FGD4: variants seen among roughly 807,000 people sequenced by gnomAD.
FGD4 encodes FYVE, RhoGEF and PH domain containing 4, also known as FYVE, RhoGEF and PH domain-containing protein 4.
A neutral mutation model predicts 102.0 loss-of-function variants in FGD4; 42 were observed. That is an observed-to-expected ratio of 0.41 (90% CI 0.32 to 0.53). The LOEUF is 0.53. FGD4 is among the 20% of genes least tolerant of loss of function. FGD4 has a pLI of 0.21. For synonymous variants in FGD4, 380 were observed against 375.7 expected (o/e 1.01, Z -0.13); for missense variants, 902 against 1,078.2 (o/e 0.84, Z 2.29).
chr12:32,584,268 T>A (rs1946833126), intron 4 of FGD4, among the ~76,000 whole-genome samples: 1 of 152,234 alleles, frequency 6.6e-6, no homozygotes, highest in East Asian at 1.9e-4. Flanking sequence ...TTCATAAGTG[T>A]GCTGCGGCAG....
In FGD4 at chr12:32,624,832, G is replaced by A. The variant is rs12322190; in HGVS notation, c.1954-144G>A. 94,025 of 726,698 alleles carry A rather than the reference G, an allele frequency of 0.13. 7,063 individuals carry two copies. The highest frequency in any genetic ancestry group is 0.22 in the African/African-American group (12,500 of 57,112). The allele number at this position is 726,698 out of a possible 1,614,324, so 45.0% of individuals were successfully genotyped here. ...TGTATACAAATGTGCATATATTGTTGTGTGTGTTTTAATATGTAGTAATCA... is the reference window on the plus strand; with the variant it reads ...TGTATACAAATGTGCATATATTGTTATGTGTGTTTTAATATGTAGTAATCA... On this transcript the variant is annotated intron_variant, in intron 12 of 16. Coordinates refer to ENST00000534526, the MANE Select transcript of FGD4 (RefSeq NM_001370298.3).
chr12:32,450,465 A>G (rs1942744050), intron 1 of FGD4, among the ~76,000 whole-genome samples: 2 of 152,076 alleles, frequency 1.3e-5, no homozygotes, highest in African/African-American at 4.8e-5. Context: ...TTCCCTTTCA[A>G]GCTGGCTTCT....
intron 2 of FGD4, among the ~76,000 whole-genome samples, chr12:32,566,099 A>C (rs987714699): frequency 5.9e-5 from 9 of 152,226 alleles, no homozygotes. Context: ...GATCAGATTC[A>C]GGGTCTGATG....
rs987211000 is a variant in FGD4, at chr12:32,566,324, C to T, written c.319+2035C>T. On this transcript the variant is annotated intron_variant, in intron 2 of 16. Transcript: ENST00000534526. ...TCACCTCCCAAAGGCCCCACCTCTTCATATTGTCACCTTGGGAATGAGGAT... is the reference window on the plus strand; with the variant it reads ...TCACCTCCCAAAGGCCCCACCTCTTTATATTGTCACCTTGGGAATGAGGAT... Among the ~76,000 whole-genome samples, 5 of 152,310 alleles carry T rather than the reference C, an allele frequency of 3.3e-5. No individual in the cohort carries two copies. The South Asian group carries it at 1.0e-3, about 32-fold the overall frequency.
intron 1 of FGD4, among the ~76,000 whole-genome samples, chr12:32,486,382 A>G (rs1591993108): frequency 6.6e-6 from 1 of 152,220 alleles, no homozygotes; most frequent in Non-Finnish European, 1.5e-5. Context: ...AGGAACAATT[A>G]CTTGAGGGAA....
At chr12:32,590,371 C>G (rs1947374210) in intron 4 of FGD4, among the ~76,000 whole-genome samples, 1 of 150,246 alleles carries the variant, frequency 6.7e-6, no homozygotes, top group Non-Finnish European at 1.5e-5. Flanking sequence ...GGTGTTCTCT[C>G]TCTCTCTCTC....
intron 16 of FGD4, among the ~76,000 whole-genome samples, chr12:32,639,621 G>A (rs1384044052): frequency 1.3e-5 from 2 of 152,164 alleles, no homozygotes; most frequent in African/African-American, 4.8e-5. Context: ...AAATCTATGG[G>A]AACAATGATA....
chr12:32,496,076 C>CAA (rs777409710), intron 1 of FGD4, among the ~76,000 whole-genome samples: 1 of 152,178 alleles, frequency 6.6e-6, no homozygotes, highest in Non-Finnish European at 1.5e-5. Context: ...CTGGTATCAA[C>CAA]AATAAACATT....
chr12:32,434,891 T>C (rs1219514362), intron 1 of FGD4, among the ~76,000 whole-genome samples: 1 of 152,222 alleles, frequency 6.6e-6, no homozygotes, highest in East Asian at 1.9e-4. Context: ...TGGTGAATGA[T>C]ACAAATTTCT....
intron 1 of FGD4, among the ~76,000 whole-genome samples, chr12:32,414,793 A>G (rs576920144): frequency 3.3e-5 from 5 of 152,208 alleles, no homozygotes; most frequent in Non-Finnish European, 5.9e-5. Context: ...AAATGTATTT[A>G]TTTCTGCTCT....
chr12:32,491,375 G>T (rs1944088372), intron 1 of FGD4, among the ~76,000 whole-genome samples: 1 of 152,138 alleles, frequency 6.6e-6, no homozygotes, highest in South Asian at 2.1e-4. Flanking sequence ...GACAATCATT[G>T]TCTTAGGCTT....
intron 1 of FGD4, among the ~76,000 whole-genome samples, chr12:32,498,371 G>A (rs1443495635): frequency 1.3e-5 from 2 of 152,024 alleles, no homozygotes; most frequent in African/African-American, 2.4e-5. Flanking sequence ...GGGTTTGGTG[G>A]GTACTGTGAT....
intron 1 of FGD4, among the ~76,000 whole-genome samples, chr12:32,469,530 CT>C (rs1381216640): frequency 2.0e-5 from 3 of 152,140 alleles, no homozygotes; most frequent in Non-Finnish European, 4.4e-5. Flanking sequence ...GTCTACCCGC[CT>C]CAGCCTCCCA....
At chr12:32,476,832 G>A (rs1943595526) in intron 1 of FGD4, among the ~76,000 whole-genome samples, 1 of 152,198 alleles carries the variant, frequency 6.6e-6, no homozygotes, top group African/African-American at 2.4e-5. Flanking sequence ...TCAGATTCAA[G>A]GAGGTGGAGA....
At chr12:32,550,357 A>T (rs1308476941) in intron 1 of FGD4, among the ~76,000 whole-genome samples, 1 of 152,186 alleles carries the variant, frequency 6.6e-6, no homozygotes, top group Non-Finnish European at 1.5e-5. Context: ...AGATATATTA[A>T]AATCATACAC....
At chr12:32,520,574 G>T in intron 1 of FGD4, among the ~76,000 whole-genome samples, 1 of 151,660 alleles carries the variant, frequency 6.6e-6, no homozygotes, top group Non-Finnish European at 1.5e-5. Flanking sequence ...TAGCTGGGAT[G>T]ACAGGTGCCC....
intron 1 of FGD4, among the ~76,000 whole-genome samples, chr12:32,554,592 TA>T (rs1223954781): frequency 6.6e-6 from 1 of 151,782 alleles, no homozygotes; most frequent in Non-Finnish European, 1.5e-5. Context: ...CAATAAACAA[TA>T]AAAAAAGTAA....
At chr12:32,531,905 T>TC (rs1405563081) in intron 1 of FGD4, among the ~76,000 whole-genome samples, 2 of 152,220 alleles carry the variant, frequency 1.3e-5, no homozygotes, top group Non-Finnish European at 2.9e-5. Context: ...TTACAGATTG[T>TC]CCACTTGTGG....
In FGD4 at chr12:32,399,978, G is replaced by T; in HGVS notation, c.166+19G>T. The T allele has an allele frequency of 6.9e-7, 1 of 1,441,040 alleles. No individual in the cohort carries two copies. The highest frequency in any genetic ancestry group is 9.1e-7 in the Non-Finnish European group (1 of 1,104,190). 89.3% of individuals were successfully genotyped at this position (1,441,040 alleles called of 1,614,324 possible). A position where few individuals can be genotyped will look rare whatever the true frequency, so the allele number is the denominator to read the frequency against. On this transcript the variant is annotated intron_variant, in intron 1 of 16. Transcript: ENST00000534526. ...GCCACAGGTAAGCGCCTCGGGGCGC[G>T]GGGGAAGGGTGGCCCCGGCGCGTAG...
Sources: allele counts gnomAD v4.1 joint callset (sites outside exome capture counted in the v4.1 genomes callset), GRCh38; gene constraint gnomAD v4.1.1; transcripts MANE v1.5; gene names NCBI Gene and HGNC (gene_info 2026-07-23, HGNC 2026-07-21).